Variants in PLPP1 observed in about 807,000 individuals in gnomAD.
PLPP1 encodes the protein lipid phosphate phosphohydrolase 1a.
PLPP1 carries 24 observed loss-of-function variants against 31.2 expected under a neutral mutation model. The observed-to-expected ratio is 0.77, with a 90% confidence interval of 0.56 to 1.08. The LOEUF is 1.08. Ranked by LOEUF, PLPP1 falls within the 50% of genes least tolerant of loss-of-function variation. PLPP1 has a pLI of 0.00. For synonymous variants in PLPP1, 146 were observed against 126.3 expected (o/e 1.16, Z -1.05); for missense variants, 319 against 342.7 (o/e 0.93, Z 0.55).
intron 2 of PLPP1, among the ~76,000 whole-genome samples, chr5:55,469,654 T>C (rs1234341023): frequency 6.6e-6 from 1 of 152,186 alleles, no homozygotes; most frequent in African/African-American, 2.4e-5. Flanking sequence ...TAAACTATTT[T>C]ATAAAGCATT....
At chr5:55,527,831 A>G (rs927912623) in intron 1 of PLPP1, among the ~76,000 whole-genome samples, 1 of 111,730 alleles carries the variant, frequency 9.0e-6, no homozygotes, top group Non-Finnish European at 2.0e-5. Context: ...TATTGAATAC[A>G]AGTTGTGAAC....
Position 55,513,268 on chromosome 5 carries a change from C to CTTTTATTTTTTT in PLPP1, c.58+21303_58+21304insAAAAAAATAAAA, listed in dbSNP as rs1554041704. Among the ~76,000 whole-genome samples, 78 of 117,572 alleles carry CTTTTATTTTTTT rather than the reference C, an allele frequency of 6.6e-4. 1 individual carries two copies. The highest frequency in any genetic ancestry group is 2.3e-3 in the African/African-American group (76 of 32,772). 77.1% of individuals were successfully genotyped at this position (117,572 alleles called of 152,430 possible). A position where few individuals can be genotyped will look rare whatever the true frequency, so the allele number is the denominator to read the frequency against. ...TATAGTATTACTACTATAATGACTC[C>CTTTTATTTTTTT]TTTTTTTTTAAGACAGAGTCTTGCT... On this transcript the variant is annotated intron_variant, in intron 1 of 5. Coordinates refer to ENST00000307259, the MANE Select transcript of PLPP1 (RefSeq NM_003711.4).
At chr5:55,469,056 A>C (rs948179220) in intron 2 of PLPP1, among the ~76,000 whole-genome samples, 7 of 152,198 alleles carry the variant, frequency 4.6e-5, no homozygotes, top group African/African-American at 1.7e-4. Flanking sequence ...CTAATTTAAA[A>C]GTATAAAAAG....
chr5:55,453,948 A>G (rs1751949144), intron 3 of PLPP1, among the ~76,000 whole-genome samples: 1 of 152,166 alleles, frequency 6.6e-6, no homozygotes, highest in South Asian at 2.1e-4. Context: ...CTCAAAAAAA[A>G]AGAAAATTCA....
intron 1 of PLPP1, among the ~76,000 whole-genome samples, chr5:55,482,626 G>C (rs1166403596): frequency 6.6e-6 from 1 of 152,132 alleles, no homozygotes; most frequent in Non-Finnish European, 1.5e-5. Context: ...GCAATAGACT[G>C]TTTGGATACC....
chr5:55,425,153 A>AG lies in PLPP1; in HGVS notation c.*52_*53insC. 1 of 1,576,754 alleles carries AG rather than the reference A, an allele frequency of 6.3e-7. No individual in the cohort carries two copies. Among genetic ancestry groups the AG allele is most frequent in the Non-Finnish European group, 8.6e-7 (1 of 1,163,912 alleles). ...AAGATGCATCCTCTTGCCTTGTGGC[A>AG]ATCATTTTCCTTTAGAAAACAGGCC... On this transcript the variant is annotated 3_prime_UTR_variant, in exon 6 of 6. Coordinates refer to ENST00000307259, the MANE Select transcript of PLPP1 (RefSeq NM_003711.4).
At chr5:55,502,786 A>C (rs891505673) in intron 1 of PLPP1, among the ~76,000 whole-genome samples, 4 of 152,212 alleles carry the variant, frequency 2.6e-5, no homozygotes, top group Admixed American at 6.5e-5. Context: ...ATTATAAAGT[A>C]CTTGAGTAAA....
Position 55,453,375 on chromosome 5 carries a change from C to A in PLPP1, c.492-11467G>T, listed in dbSNP as rs116749642. Among the ~76,000 whole-genome samples the A allele has an allele frequency of 2.4e-3, 371 of 152,268 alleles. 3 individuals carry two copies. Among genetic ancestry groups the A allele is most frequent in the African/African-American group, 8.4e-3 (347 of 41,548 alleles). On this transcript the variant is annotated intron_variant, in intron 3 of 5. Coordinates refer to ENST00000307259, the MANE Select transcript of PLPP1 (RefSeq NM_003711.4). ...TTTCAGTGATTAGAAATTTGGACTT[C>A]CTCATCAAAACCGAGGAGCATTAGG...
chr5:55,483,964 T>C (rs1752723997), intron 1 of PLPP1, among the ~76,000 whole-genome samples: 1 of 152,200 alleles, frequency 6.6e-6, no homozygotes, highest in Non-Finnish European at 1.5e-5. Context: ...CACTATGCAA[T>C]GCACGCTTAA....
At chr5:55,427,407 T>G (rs1220529897) in intron 4 of PLPP1, among the ~76,000 whole-genome samples, 1 of 152,160 alleles carries the variant, frequency 6.6e-6, no homozygotes, top group African/African-American at 2.4e-5. Flanking sequence ...TTTAACTGAG[T>G]CTGACTCATC....
Position 55,468,097 on chromosome 5 carries a change from G to C in PLPP1, c.263C>G (p.Ser88Cys), listed in dbSNP as rs199530852. 167 of 1,612,858 alleles carry C rather than the reference G, an allele frequency of 1.0e-4. No homozygotes were observed. The highest frequency in any genetic ancestry group is 1.3e-4 in the Non-Finnish European group (158 of 1,179,374). Residue 88 changes from serine to cysteine, a missense_variant, in exon 3 of 6, where the codon TCC (serine) becomes TGC (cysteine). Ser to Cys is a moderately radical substitution (Grantham distance 112). Coordinates refer to ENST00000307259, the MANE Select transcript of PLPP1 (RefSeq NM_003711.4). ...SVYCNLLHSN[S>C]FIRNNYIATI... Reference sequence around the variant, plus strand: ...GGCTATGTAGTTATTCCTGATAAAGGAATTTGAGTGCAAAAGGTTACAGTA... The same window carrying C: ...GGCTATGTAGTTATTCCTGATAAAGCAATTTGAGTGCAAAAGGTTACAGTA...
chr5:55,530,416 G>T (rs1264918371), intron 1 of PLPP1: 9 of 1,262,042 alleles, frequency 7.1e-6, no homozygotes, highest in Non-Finnish European at 9.3e-6. Context: ...TGACACAGGG[G>T]ACACTTATAA....
chr5:55,493,131 ATT>A (rs1325131904), intron 1 of PLPP1, among the ~76,000 whole-genome samples: 2 of 152,060 alleles, frequency 1.3e-5, no homozygotes, highest in Non-Finnish European at 2.9e-5. Context: ...TGGGCAACAT[ATT>A]GAGACCTCGT....
At chr5:55,492,193 A>G (rs1260427106) in intron 1 of PLPP1, among the ~76,000 whole-genome samples, 1 of 152,204 alleles carries the variant, frequency 6.6e-6, no homozygotes, top group African/African-American at 2.4e-5. Flanking sequence ...GCGCAATACT[A>G]AGCCATACTT....
chr5:55,471,074 A>C (rs1234563697), intron 2 of PLPP1, among the ~76,000 whole-genome samples: 1 of 152,142 alleles, frequency 6.6e-6, no homozygotes, highest in Non-Finnish European at 1.5e-5. Context: ...CACCTTCCCA[A>C]AAGAATTGTC....
intron 2 of PLPP1, among the ~76,000 whole-genome samples, chr5:55,473,823 C>CT (rs34518715): frequency 1.4e-4 from 21 of 150,948 alleles, no homozygotes; most frequent in African/African-American, 4.9e-4. Flanking sequence ...CATACCTGGC[C>CT]TTTTTTTTTG....
At chr5:55,436,387 A>C (rs1320340472) in intron 4 of PLPP1, among the ~76,000 whole-genome samples, 6 of 152,182 alleles carry the variant, frequency 3.9e-5, no homozygotes, top group African/African-American at 1.4e-4. Flanking sequence ...TGGCTTTATA[A>C]GGTGGAGTTT....
At chr5:55,518,588 A>G (rs1474921671) in intron 1 of PLPP1, among the ~76,000 whole-genome samples, 1 of 152,100 alleles carries the variant, frequency 6.6e-6, no homozygotes, top group African/African-American at 2.4e-5. Context: ...TTCCTATATT[A>G]CTACTTTCTA....
At chr5:55,437,772 C>A (rs2111694623) in intron 4 of PLPP1, among the ~76,000 whole-genome samples, 1 of 152,272 alleles carries the variant, frequency 6.6e-6, no homozygotes, top group Middle Eastern at 3.4e-3. Context: ...AAATTTAGAT[C>A]TTAAATCCCA....
Sources: gnomAD v4.1 joint callset for allele counts (sites outside exome capture counted in the v4.1 genomes callset) on GRCh38, gnomAD v4.1.1 for gene constraint, MANE v1.5 for transcripts, NCBI Gene and HGNC (gene_info 2026-07-23, HGNC 2026-07-21) for gene names.